PLSCR4: variants seen among roughly 807,000 people sequenced by gnomAD.
PLSCR4 encodes phospholipid scramblase 4.
Under a neutral mutation model 36.3 loss-of-function variants are expected in PLSCR4, and 25 were observed. The observed-to-expected ratio is 0.69, with a 90% CI of 0.50 to 0.96. The LOEUF (loss-of-function observed/expected upper bound fraction) is 0.96. Among genes scored for constraint, PLSCR4 ranks in the 40% least tolerant of loss-of-function variants. The pLI, the probability that PLSCR4 is intolerant of heterozygous loss-of-function variation, is 0.00. For synonymous variants in PLSCR4, 122 were observed against 132.9 expected, an observed-to-expected ratio of 0.92 and a Z score of 0.56; for missense variants, 408 against 414.7, an observed-to-expected ratio of 0.98 and a Z score of 0.14.
At chr3:146,211,469 T>C (rs1279295454) in intron 3 of PLSCR4, among the ~76,000 whole-genome samples, 2 of 152,152 alleles carry the variant, frequency 1.3e-5, no homozygotes, top group Non-Finnish European at 2.9e-5. Context: ...GCCAGATAGT[T>C]TGCAAGTGTT....
chr3:146,194,353 C>T lies in PLSCR4; in HGVS notation c.*58G>A, dbSNP rs538895653. 7.0e-6 allele frequency: 8 copies of T among 1,143,436 alleles called. No homozygotes were observed. The East Asian group carries it at 1.6e-4, about 23-fold the overall frequency. The allele number at this position is 1,143,436 out of a possible 1,614,324, so 70.8% of individuals were successfully genotyped here. A position where few individuals can be genotyped will look rare whatever the true frequency, so the allele number is the denominator to read the frequency against. On this transcript the variant is annotated 3_prime_UTR_variant, in exon 9 of 9. Coordinates refer to ENST00000354952, the MANE Select transcript of PLSCR4 (RefSeq NM_020353.3). ...AAATAACTGAGTGCTGACTGTAAGC[C>T]CAATCCAACTTTTCCATTTTTCAAA... is the stretch of plus-strand genomic sequence containing the variant.
intron 3 of PLSCR4, among the ~76,000 whole-genome samples, chr3:146,216,806 T>C (rs2034913322): frequency 6.6e-6 from 1 of 152,208 alleles, no homozygotes; most frequent in Non-Finnish European, 1.5e-5. Flanking sequence ...CTAGCAGCTA[T>C]TTTTAAGTCC....
chr3:146,238,851 T>A (rs938256867), intron 1 of PLSCR4, among the ~76,000 whole-genome samples: 2 of 152,122 alleles, frequency 1.3e-5, no homozygotes, highest in East Asian at 1.9e-4. Context: ...GTGACATTTT[T>A]AAAGTCATAT....
chr3:146,211,210 A>G (rs1259027202), intron 3 of PLSCR4, among the ~76,000 whole-genome samples: 4 of 152,032 alleles, frequency 2.6e-5, no homozygotes, highest in African/African-American at 9.7e-5. Flanking sequence ...ATCCTCCACC[A>G]ATACTTGTTA....
chr3:146,245,555 A>G (rs950465113), intron 1 of PLSCR4, among the ~76,000 whole-genome samples: 5 of 152,098 alleles, frequency 3.3e-5, no homozygotes, highest in Non-Finnish European at 5.9e-5. Flanking sequence ...CATTATCATG[A>G]AACATTATGA....
At chr3:146,250,260 A>G (rs1000497074) in intron 1 of PLSCR4, among the ~76,000 whole-genome samples, 2 of 152,168 alleles carry the variant, frequency 1.3e-5, no homozygotes, top group African/African-American at 4.8e-5. Context: ...AAATTAGGCA[A>G]TCTATTCCCC....
chr3:146,194,528 A>G (rs2033608324), intron 8 of PLSCR4, 73 bp from the exon 9 acceptor site: 6 of 894,140 alleles, frequency 6.7e-6, no homozygotes, highest in Non-Finnish European at 1.1e-5. Context: ...TATCCTTTGT[A>G]ATTTATTAGG....
At chr3:146,221,945 ATT>A (rs2035166755) in intron 2 of PLSCR4, 118 bp downstream of exon 2, 1 of 489,128 alleles carries the variant, frequency 2.0e-6, no homozygotes, top group African/African-American at 2.0e-5. Flanking sequence ...ACACACACGT[ATT>A]TATATTTGCC....
intron 8 of PLSCR4, 33 bp downstream of exon 8, chr3:146,195,091 T>A: frequency 6.2e-7 from 1 of 1,601,658 alleles, no homozygotes; most frequent in Non-Finnish European, 8.5e-7. Context: ...AAAGAACAAC[T>A]CTCTCAGGAT....
At chr3:146,213,787 G>T (rs978095689) in intron 3 of PLSCR4, among the ~76,000 whole-genome samples, 1 of 152,002 alleles carries the variant, frequency 6.6e-6, no homozygotes, top group Non-Finnish European at 1.5e-5. Flanking sequence ...CATTTGTCTA[G>T]GTTTCCTATT....
At position 146,215,150 on chromosome 3, in the gene PLSCR4, G is replaced by C. The variant is rs541301216; in HGVS notation, c.118+5665C>G. Among the ~76,000 whole-genome samples, 98 of 152,004 alleles carry C rather than the reference G, an allele frequency of 6.4e-4. 1 individual carries two copies. Among genetic ancestry groups the C allele is most frequent in the African/African-American group, 2.3e-3 (95 of 41,498 alleles). On this transcript the variant is annotated intron_variant, in intron 3 of 8. Transcript: ENST00000354952. ...ATTTTACAAACTGAAGATATATTCA[G>C]AGTATTAAAATCAATTTAATAATTC...
In PLSCR4 at chr3:146,192,852, T is replaced by G. The variant is rs1487553085; in HGVS notation, c.*1559A>C. The G allele has an allele frequency of 1.3e-5, 2 of 151,794 alleles. No individual in the cohort carries two copies. Among genetic ancestry groups the G allele is most frequent in the East Asian group, 3.9e-4 (2 of 5,148 alleles). The allele number at this position is 151,794 out of a possible 1,614,324, so 9.4% of individuals were successfully genotyped here. On this transcript the variant is annotated 3_prime_UTR_variant, in exon 9 of 9. Coordinates refer to ENST00000354952, the MANE Select transcript of PLSCR4 (RefSeq NM_020353.3). ...AAAAGCTAGTAGCAGCATGTAAAAA[T>G]GAGCATTACGAGAAACTCAGAAAAA...
intron 6 of PLSCR4, among the ~76,000 whole-genome samples, chr3:146,197,051 C>A (rs1237615675): frequency 6.6e-6 from 1 of 152,078 alleles, no homozygotes; most frequent in Non-Finnish European, 1.5e-5. Flanking sequence ...GCCAGTTGTC[C>A]AAGTTCAGTG....
chr3:146,226,596 A>C (rs1300516718), intron 1 of PLSCR4, among the ~76,000 whole-genome samples: 1 of 152,188 alleles, frequency 6.6e-6, no homozygotes, highest in African/African-American at 2.4e-5. Context: ...TAAAACTTGG[A>C]AAAAATATAG....
intron 2 of PLSCR4, among the ~76,000 whole-genome samples, chr3:146,221,797 A>C (rs1311003445): frequency 6.6e-6 from 1 of 152,036 alleles, no homozygotes; most frequent in African/African-American, 2.4e-5. Context: ...TTTATTACCT[A>C]ATTTTCCCCA....
At chr3:146,224,503 G>T (rs2035346504) in intron 1 of PLSCR4, among the ~76,000 whole-genome samples, 1 of 149,466 alleles carries the variant, frequency 6.7e-6, no homozygotes, top group African/African-American at 2.6e-5. Flanking sequence ...ATGTTCCGAT[G>T]TATTCGGAGT....
At position 146,243,486 on chromosome 3, in the gene PLSCR4, T is replaced by TTA. The variant is rs747791205; in HGVS notation, c.-22+7473_-22+7474insTA. Reference sequence around the variant, plus strand: ...AATATTCATGCAGAGTTCGGGCACATAAAATGCTGTATAGACTAAGCAACC... The same window carrying TTA: ...AATATTCATGCAGAGTTCGGGCACATTAAAAATGCTGTATAGACTAAGCAACC... On this transcript the variant is annotated intron_variant, in intron 1 of 8. Transcript: ENST00000354952. Among the ~76,000 whole-genome samples, 1,202 of 152,290 alleles carry TTA rather than the reference T, an allele frequency of 7.9e-3. 5 individuals are homozygous for TTA. Among genetic ancestry groups the TTA allele is most frequent in the Non-Finnish European group, 0.012 (825 of 68,018 alleles).
chr3:146,218,425 A>C (rs531360723), intron 3 of PLSCR4, among the ~76,000 whole-genome samples: 1 of 152,026 alleles, frequency 6.6e-6, no homozygotes, highest in Non-Finnish European at 1.5e-5. Context: ...TTTGAAGATC[A>C]ATAAATCAGA....
At chr3:146,207,502 G>A (rs1470284550) in intron 3 of PLSCR4, among the ~76,000 whole-genome samples, 1 of 152,096 alleles carries the variant, frequency 6.6e-6, no homozygotes, top group Non-Finnish European at 1.5e-5. Context: ...CTGGTTTGCA[G>A]ATGTTCACCT....
Sources: gnomAD v4.1 joint callset for allele counts (sites outside exome capture counted in the v4.1 genomes callset) on GRCh38, gnomAD v4.1.1 for gene constraint, MANE v1.5 for transcripts, NCBI Gene and HGNC (gene_info 2026-07-23, HGNC 2026-07-21) for gene names.